Variants in SGCA observed in about 807,000 individuals in gnomAD.
The protein encoded by SGCA is alpha-sarcoglycan.
Under a neutral mutation model 38.1 loss-of-function variants are expected in SGCA, and 34 were observed. That is an observed-to-expected ratio of 0.89 (90% CI 0.68 to 1.19). The LOEUF is 1.19. SGCA is among the 50% of genes most tolerant of loss of function. The probability of loss-of-function intolerance (pLI) is 0.00; values close to 1 mark genes in which losing one functional copy is unlikely to be tolerated. For synonymous variants in SGCA, 209 were observed against 214.6 expected, an observed-to-expected ratio of 0.97 and a Z score of 0.23; for missense variants, 476 against 524.9, an observed-to-expected ratio of 0.91 and a Z score of 0.91.
At chr17:50,166,559 C>A (rs1378624326) in intron 1 of SGCA, among the ~76,000 whole-genome samples, 1 of 151,888 alleles carries the variant, frequency 6.6e-6, no homozygotes. Flanking sequence ...AGAATGGCTA[C>A]CCTTCCTCCT....
chr17:50,168,681 C>T, intron 5 of SGCA, 109 bp downstream of exon 5: 2 of 957,924 alleles, frequency 2.1e-6, no homozygotes, highest in East Asian at 5.2e-5. Flanking sequence ...ACGCACATCT[C>T]CACCTCCCAG....
rs200318091 is a variant in SGCA, at chr17:50,168,343, G to A, written c.386-31G>A. On this transcript the variant is annotated intron_variant, in intron 4 of 9. Transcript: ENST00000262018. ...TTGCGGGGCAGAGCTGGGGCTGGGT[G>A]CAGCCTGAGGTGTCCACCTGGCCTT... is the stretch of plus-strand genomic sequence containing the variant. The A allele has an allele frequency of 8.9e-4, 1,371 of 1,542,676 alleles. 1 individual carries two copies. Among genetic ancestry groups the A allele is most frequent in the Non-Finnish European group, 1.1e-3 (1,282 of 1,141,188 alleles).
chr17:50,175,340 C>G lies in SGCA; in HGVS notation c.1067C>G (p.Pro356Arg), dbSNP rs141892209. ...GCGGCCAGCCGCGAGGTGCCCCGGC[C>G]ACTCTCCACCCTGCCCATGTTCAAT... The part of the protein sequence containing the change: ...QMAASREVPR[P>R]LSTLPMFNVH... Residue 356 changes from proline to arginine, a missense_variant, in exon 9 of 10, where the codon CCA becomes CGA. Physicochemically the swap from Pro to Arg is moderately radical, Grantham distance 103. Coordinates refer to ENST00000262018, the MANE Select transcript of SGCA (RefSeq NM_000023.4). 2.3e-5 allele frequency: 37 copies of G among 1,611,910 alleles called. No individual in the cohort carries two copies. In the African/African-American group the frequency reaches 4.1e-4, roughly 18 times the overall value.
rs1341399668 is a variant in SGCA at position 50,175,338 on chromosome 17, G to A, written c.1065G>A (p.Arg355=). The change falls in exon 9 of 10, where the codon CGG becomes CGA. Residue 355 remains arginine (R), a synonymous_variant. Transcript: ENST00000262018. ...TGGCGGCCAGCCGCGAGGTGCCCCG[G>A]CCACTCTCCACCCTGCCCATGTTCA... ...RQMAASREVP[R]PLSTLPMFNV... 2 of 1,611,554 alleles carry A rather than the reference G, an allele frequency of 1.2e-6. No individual in the cohort carries two copies. Among genetic ancestry groups the A allele is most frequent in the South Asian group, 1.1e-5 (1 of 90,690 alleles).
In SGCA at chr17:50,175,391, C is replaced by T; in HGVS notation, c.1118C>T (p.Pro373Leu). Reference protein sequence around the residue: ...FNVHTGERLPPRVDSAQVPLI... With the variant: ...FNVHTGERLPLRVDSAQVPLI... ...GTGCACACAGGTGAGCGGCTGCCTC[C>T]CCGCGTGGACAGCGCCCAGGTGCCC... The change falls in exon 9 of 10, where the codon CCC becomes CTC. Residue 373 changes from proline (P) to leucine (L), a missense_variant. Transcript: ENST00000262018. 2 of 1,613,112 alleles carry T rather than the reference C, an allele frequency of 1.2e-6. No homozygotes were observed. The highest frequency in any genetic ancestry group is 2.2e-5 in the South Asian group (2 of 91,066).
chr17:50,171,936 T>C, intron 8 of SGCA: 1 of 456,740 alleles, frequency 2.2e-6, no homozygotes, highest in Non-Finnish European at 4.4e-6. Context: ...GCTGTCTTGC[T>C]AGGGACACGC....
chr17:50,170,536 G>C, intron 7 of SGCA, 104 bp from the exon 8 acceptor site: 1 of 1,393,768 alleles, frequency 7.2e-7, no homozygotes, highest in Non-Finnish European at 1.0e-6. Flanking sequence ...CACCAGGAGG[G>C]CATTGTGGAT....
chr17:50,166,314 C>T (rs1183928054), intron 1 of SGCA, among the ~76,000 whole-genome samples: 2 of 152,046 alleles, frequency 1.3e-5, no homozygotes, highest in Non-Finnish European at 2.9e-5. Context: ...TCCTAGGGCC[C>T]GGGTGGGTCT....
chr17:50,173,502 G>A (rs1905651115), intron 8 of SGCA, among the ~76,000 whole-genome samples: 1 of 152,192 alleles, frequency 6.6e-6, no homozygotes, highest in Non-Finnish European at 1.5e-5. Flanking sequence ...CCACTGCGGG[G>A]TCTGGCCTCT....
chr17:50,167,919 C>T lies in SGCA; in HGVS notation c.313-28C>T. ...TGTGCCACGTTTCTCCCCTAACCCA[C>T]TTCTCAGATGTCTTTCCCATCCCCC... On this transcript the variant is annotated intron_variant, in intron 3 of 9. Transcript: ENST00000262018. The surrounding 1 kb of genome is among the most constrained non-coding windows in gnomAD (Gnocchi z 4.5). 1.2e-6 allele frequency: 2 copies of T among 1,610,880 alleles called. No individual in the cohort carries two copies.
chr17:50,175,904 A>G lies in SGCA; in HGVS notation c.*205A>G, dbSNP rs545380272. The G allele has an allele frequency of 8.8e-6, 4 of 452,496 alleles. No individual in the cohort carries two copies. Among genetic ancestry groups the G allele is most frequent in the Middle Eastern group, 3.3e-4 (1 of 3,038 alleles). 28.0% of individuals were successfully genotyped at this position (452,496 alleles called of 1,614,324 possible). On this transcript the variant is annotated 3_prime_UTR_variant, in exon 10 of 10. Transcript: ENST00000262018. ...TAAATATCTGCTGCTCTGCTCACCA[A>G]TTGCTGCTGGCAGCCTCTCCCGTCC...
At chr17:50,169,391 T>C in intron 6 of SGCA, 137 bp downstream of exon 6, 1 of 662,898 alleles carries the variant, frequency 1.5e-6, no homozygotes, top group African/African-American at 1.9e-5. Flanking sequence ...CTCTCAGTAT[T>C]GCCCACAGGC....
At chr17:50,173,863 G>T (rs1905694939) in intron 8 of SGCA, among the ~76,000 whole-genome samples, 1 of 152,208 alleles carries the variant, frequency 6.6e-6, no homozygotes, top group South Asian at 2.1e-4. Flanking sequence ...CGTGAAGCTA[G>T]GTCTTTTCTG....
In SGCA at chr17:50,169,145, T is replaced by G; in HGVS notation, c.638T>G (p.Val213Gly). 1 of 1,613,986 alleles carries G rather than the reference T, an allele frequency of 6.2e-7. No individual in the cohort carries two copies. Among genetic ancestry groups the G allele is most frequent in the Non-Finnish European group, 8.5e-7 (1 of 1,179,986 alleles). The change falls in exon 6 of 10, where the codon GTG becomes GGG. Residue 213 changes from valine to glycine, a missense_variant. By Grantham distance (109) the Val-to-Gly change is moderately radical. Transcript: ENST00000262018. ...ASPFSTCLKM[V>G]ASPDSHARCA... ...CCTTTTTCTACTTGCCTGAAGATGG[T>G]GGCATCCCCCGATAGCCACGCCCGC... is the stretch of plus-strand genomic sequence containing the variant.
intron 6 of SGCA, chr17:50,169,562 T>G: frequency 2.3e-6 from 1 of 430,730 alleles, no homozygotes; most frequent in Non-Finnish European, 4.2e-6. Context: ...CACAGTCCAG[T>G]TCCCAAACCC....
intron 8 of SGCA, chr17:50,171,470 A>G (rs989015364): frequency 3.1e-5 from 14 of 456,538 alleles, no homozygotes; most frequent in African/African-American, 1.0e-4. Context: ...CACTGAGCCA[A>G]TGGCGGTCTT....
At position 50,175,420 on chromosome 17, in the gene SGCA, A is replaced by G. The variant is rs1423498910; in HGVS notation, c.1147A>G (p.Ile383Val). ...CGTGGACAGCGCCCAGGTGCCCCTCATTCTGGACCAGCACTGACAGCCTAG... is the reference window on the plus strand; with the variant it reads ...CGTGGACAGCGCCCAGGTGCCCCTCGTTCTGGACCAGCACTGACAGCCTAG... ...PRVDSAQVPL[I>V]LDQH Residue 383 changes from isoleucine to valine, a missense_variant, in exon 9 of 10, where the codon ATT becomes GTT. Transcript: ENST00000262018. 2 of 1,613,030 alleles carry G rather than the reference A, an allele frequency of 1.2e-6. No individual in the cohort carries two copies. The highest frequency in any genetic ancestry group is 1.7e-6 in the Non-Finnish European group (2 of 1,179,990).
Position 50,175,446 on chromosome 17 carries a change from C to T in SGCA, c.*9C>T, listed in dbSNP as rs1465260977. ...TTCTGGACCAGCACTGACAGCCTAG[C>T]CAGGTAGGTCTGGTGGGTGATGCCA... On this transcript the variant is annotated 3_prime_UTR_variant, in exon 9 of 10. Transcript: ENST00000262018. 1.2e-6 allele frequency: 2 copies of T among 1,611,722 alleles called. No individual in the cohort carries two copies. The highest frequency in any genetic ancestry group is 2.2e-5 in the South Asian group (2 of 90,926).
Position 50,167,496 on chromosome 17 carries a change from C to T in SGCA, c.157+9C>T, listed in dbSNP as rs768450963. On this transcript the variant is annotated intron_variant, in intron 2 of 9. Coordinates refer to ENST00000262018, the MANE Select transcript of SGCA (RefSeq NM_000023.4). The surrounding 1 kb of genome is among the most constrained non-coding windows in gnomAD (Gnocchi z 4.5). ...CCTTCCTGAGCATGTCGGTGAGCGG[C>T]CTGACAGGCACCCAGGCGGGCGGGC... The T allele has an allele frequency of 1.2e-6, 2 of 1,614,048 alleles. No homozygotes were observed. The highest frequency in any genetic ancestry group is 8.5e-7 in the Non-Finnish European group (1 of 1,180,024).
Sources: gnomAD v4.1 joint callset for allele counts (sites outside exome capture counted in the v4.1 genomes callset) on GRCh38, gnomAD v4.1.1 for gene constraint, Gnocchi (gnomAD v3.1) non-coding constraint, MANE v1.5 for transcripts, NCBI Gene and HGNC (gene_info 2026-07-23, HGNC 2026-07-21) for gene names.